Variants in CFAP57 observed in about 807,000 individuals in gnomAD.
The protein encoded by CFAP57 is cilia- and flagella-associated protein 57.
CFAP57 carries 116 observed loss-of-function variants against 146.8 expected under a neutral mutation model. The ratio of observed to expected loss-of-function variants is 0.79; its 90% CI spans 0.68 to 0.92. The LOEUF (loss-of-function observed/expected upper bound fraction) is 0.92, where lower values mean the gene tolerates loss of function less well. Ranked by LOEUF, CFAP57 falls within the 40% of genes least tolerant of loss-of-function variation. The pLI is 0.00. For synonymous variants in CFAP57, 518 were observed against 552.8 expected (o/e 0.94, Z 0.88); for missense variants, 1,377 against 1,527.2 (o/e 0.90, Z 1.64).
rs1242637658 is a variant in CFAP57, at chr1:43,187,281, TTAAAGA to T, written c.1122+425_1122+430del. ...CAGACATTACAACAAAAAAGCACTA[TTAAAGA>T]TAGAGATCATATTGTACTTAAAATG... On this transcript the variant is annotated intron_variant, in intron 6 of 22. Transcript: ENST00000372492. Among the ~76,000 whole-genome samples, 13 of 152,292 alleles carry T rather than the reference TTAAAGA, an allele frequency of 8.5e-5. No homozygotes were observed. In the South Asian group the frequency reaches 1.9e-3, roughly 22 times the overall value.
chr1:43,214,182 G>A (rs926374548), intron 11 of CFAP57, among the ~76,000 whole-genome samples: 1 of 151,052 alleles, frequency 6.6e-6, no homozygotes, highest in Non-Finnish European at 1.5e-5. Flanking sequence ...CACCACGCCC[G>A]CCCCTTAGCC....
At chr1:43,184,068 C>T (rs1645535607) in intron 4 of CFAP57, among the ~76,000 whole-genome samples, 191 bp downstream of exon 4, 1 of 152,290 alleles carries the variant, frequency 6.6e-6, no homozygotes, top group Middle Eastern at 3.4e-3. Flanking sequence ...AGACTAAATA[C>T]AATTCTTTTT....
At chr1:43,224,324 G>A (rs1645160774) in intron 17 of CFAP57, 120 bp downstream of exon 17, 3 of 1,180,894 alleles carry the variant, frequency 2.5e-6, no homozygotes, top group Non-Finnish European at 3.4e-6. Flanking sequence ...CTTGATGGGG[G>A]AACCAGCCGT....
At chr1:43,199,950 G>A (rs1644045581) in intron 9 of CFAP57, among the ~76,000 whole-genome samples, 1 of 152,198 alleles carries the variant, frequency 6.6e-6, no homozygotes, top group Non-Finnish European at 1.5e-5. Flanking sequence ...GAGGTCACAA[G>A]GGCCCAAATG....
At chr1:43,242,161 C>G (rs1360679626) in intron 21 of CFAP57, among the ~76,000 whole-genome samples, 1 of 152,148 alleles carries the variant, frequency 6.6e-6, no homozygotes. Context: ...CTGGGACACC[C>G]TTTACCCTCT....
At chr1:43,183,078 C>T (rs1199065370) in intron 3 of CFAP57, among the ~76,000 whole-genome samples, 1 of 152,214 alleles carries the variant, frequency 6.6e-6, no homozygotes, top group Non-Finnish European at 1.5e-5. Context: ...GGCCACATGG[C>T]TTTGCCCATT....
At position 43,197,712 on chromosome 1, in the gene CFAP57, C is replaced by A. The variant is rs758541174; in HGVS notation, c.1262+20C>A. 1 of 1,613,894 alleles carries A rather than the reference C, an allele frequency of 6.2e-7. No individual in the cohort carries two copies. Among genetic ancestry groups the A allele is most frequent in the Admixed American group, 1.7e-5 (1 of 60,012 alleles). On this transcript the variant is annotated intron_variant, in intron 7 of 22. Coordinates refer to ENST00000372492, the MANE Select transcript of CFAP57 (RefSeq NM_001378189.1). Reference sequence around the variant, plus strand: ...AACAAAGTAAGGAATGAAAGGCTTGCCTACTTTATTATGCAAGACCCCAGT... The same window carrying A: ...AACAAAGTAAGGAATGAAAGGCTTGACTACTTTATTATGCAAGACCCCAGT...
chr1:43,186,022 A>G (rs566945897), intron 5 of CFAP57, among the ~76,000 whole-genome samples: 1 of 151,934 alleles, frequency 6.6e-6, no homozygotes, highest in Admixed American at 6.6e-5. Flanking sequence ...GAGGTTGTAG[A>G]AAGCCAAGAT....
At chr1:43,239,373 G>C (rs1645822145) in intron 21 of CFAP57, among the ~76,000 whole-genome samples, 1 of 152,138 alleles carries the variant, frequency 6.6e-6, no homozygotes, top group Non-Finnish European at 1.5e-5. Flanking sequence ...GAGGTTGGCA[G>C]GGGGGTCAGG....
intron 22 of CFAP57, among the ~76,000 whole-genome samples, chr1:43,248,319 CTTTTTTTTT>C (rs763437285): frequency 4.5e-5 from 6 of 133,476 alleles, no homozygotes; most frequent in Admixed American, 7.7e-5. Flanking sequence ...AAAAAATTTT[CTTTTTTTTT>C]TTTTTTTGAG....
At chr1:43,219,333 A>T in intron 12 of CFAP57, 49 bp from the exon 13 acceptor site, 1 of 1,515,692 alleles carries the variant, frequency 6.6e-7, no homozygotes. Context: ...AAATATTCTG[A>T]GTCACCCTTA....
At chr1:43,225,144 A>G (rs755004884) in intron 17 of CFAP57, among the ~76,000 whole-genome samples, 14 of 152,136 alleles carry the variant, frequency 9.2e-5, no homozygotes, top group Non-Finnish European at 1.8e-4. Context: ...TTGACAAGAA[A>G]GAGACAAAGG....
At chr1:43,220,149 T>C (rs1019652792) in intron 13 of CFAP57, among the ~76,000 whole-genome samples, 11 of 152,098 alleles carry the variant, frequency 7.2e-5, no homozygotes, top group African/African-American at 2.7e-4. Flanking sequence ...GAAGTTGAGA[T>C]TACAGATAAT....
chr1:43,214,070 C>T (rs2453411), intron 11 of CFAP57, among the ~76,000 whole-genome samples: 5 of 151,698 alleles, frequency 3.3e-5, no homozygotes, highest in African/African-American at 1.2e-4. Flanking sequence ...ATTTTTAGTA[C>T]GGATGAGGTT....
chr1:43,221,998 C>A, intron 14 of CFAP57, 107 bp from the exon 15 acceptor site: 1 of 964,238 alleles, frequency 1.0e-6, no homozygotes, highest in South Asian at 2.8e-5. Context: ...CTGGAGGCAG[C>A]TGCTCCAGCT....
intron 9 of CFAP57, among the ~76,000 whole-genome samples, chr1:43,203,325 C>A (rs181707477): frequency 6.6e-6 from 1 of 151,894 alleles, no homozygotes; most frequent in Non-Finnish European, 1.5e-5. Context: ...AAAAACTCTT[C>A]TAGAGAATTG....
chr1:43,234,276 C>G lies in CFAP57; in HGVS notation c.3127-3C>G. 6.5e-7 allele frequency: 1 copy of G among 1,544,092 alleles called. No individual in the cohort carries two copies. The highest frequency in any genetic ancestry group is 1.2e-5 in the South Asian group (1 of 83,320). On this transcript the variant is annotated splice_polypyrimidine_tract_variant and splice_region_variant and intron_variant, in intron 19 of 22. Transcript: ENST00000372492. The stretch of plus-strand genomic sequence containing the variant: ...CACCAGAAGGAAACGTCTCTGATTG[C>G]AGGAGCGAGACTTGGAAGCGCTGGT...
rs779998085 is a variant in CFAP57 at position 43,180,239 on chromosome 1, A to ATATATATAT, written c.158-1295_158-1294insTATATATAT. 1.0e-3 allele frequency among the ~76,000 whole-genome samples: 152 copies of ATATATATAT among 144,982 alleles called. 3 individuals are homozygous for ATATATATAT. Among genetic ancestry groups the ATATATATAT allele is most frequent in the East Asian group, 8.7e-3 (44 of 5,040 alleles). On this transcript the variant is annotated intron_variant, in intron 2 of 22. Coordinates refer to ENST00000372492, the MANE Select transcript of CFAP57 (RefSeq NM_001378189.1). ...ATATATATTTTATATATATATATAT[A>ATATATATAT]AAATATATATACACACATATATTAT...
chr1:43,215,404 CA>C lies in CFAP57; in HGVS notation c.2080del (p.Met694TrpfsTer11). ...AEEVLVTKTDMEEKAQVMLEL... is the reference protein window; with the variant it reads ...AEEVLVTKTDXEEKAQVMLEL... ...AAGAGGTGCTTGTGACTAAAACAGA[CA>C]TGGAAGAAAAGGTAAGAACTGGATC... is the stretch of plus-strand genomic sequence containing the variant. On this transcript the variant is annotated frameshift_variant, in exon 12 of 23. Coordinates refer to ENST00000372492, the MANE Select transcript of CFAP57 (RefSeq NM_001378189.1). LOFTEE classifies it high-confidence loss of function. 1 of 1,550,600 alleles carries C rather than the reference CA, an allele frequency of 6.4e-7. No individual in the cohort carries two copies. Among genetic ancestry groups the C allele is most frequent in the Non-Finnish European group, 8.7e-7 (1 of 1,146,940 alleles).
Sources: allele counts gnomAD v4.1 joint callset (sites outside exome capture counted in the v4.1 genomes callset), GRCh38; gene constraint gnomAD v4.1.1; transcripts MANE v1.5; gene names NCBI Gene and HGNC (gene_info 2026-07-23, HGNC 2026-07-21).